UBE3B: variants seen among roughly 807,000 people sequenced by gnomAD.
UBE3B encodes the protein ubiquitin-protein ligase E3B.
In UBE3B, 80 loss-of-function variants were observed where a neutral mutation model predicts 132.3. The observed-to-expected ratio is 0.60, with a 90% CI of 0.50 to 0.73. The LOEUF (loss-of-function observed/expected upper bound fraction) is 0.73. UBE3B is among the 30% of genes least tolerant of loss of function. The pLI is 0.00. For missense variants in UBE3B, 1,196 were observed against 1,362.5 expected (o/e 0.88, Z 1.92); for synonymous variants, 487 against 520.4 (o/e 0.94, Z 0.87).
chr12:109,537,560 C>T (rs1056868929), downstream of UBE3B, among the ~76,000 whole-genome samples: 1 of 152,340 alleles, frequency 6.6e-6, no homozygotes, highest in African/African-American at 2.4e-5. Flanking sequence ...AGAATTCATG[C>T]ACGCAGGCGT....
At chr12:109,478,421 C>A (rs983059035) in intron 1 of UBE3B, among the ~76,000 whole-genome samples, 7 of 152,172 alleles carry the variant, frequency 4.6e-5, no homozygotes, top group African/African-American at 1.7e-4. Context: ...CTGTAGCTTT[C>A]AATAAATAGT....
chr12:109,536,017 C>T lies in UBE3B; in HGVS notation c.*1235C>T, dbSNP rs1883401460. The T allele has an allele frequency of 6.6e-6, 1 of 152,280 alleles. No individual in the cohort carries two copies. The highest frequency in any genetic ancestry group is 6.5e-5 in the Admixed American group (1 of 15,280). 9.4% of individuals were successfully genotyped at this position (152,280 alleles called of 1,614,324 possible). ...ATGCCGGATTCGAAGCCAGGAAGGC[C>T]CAGTCCCTCCTCTGCTCTCCTCAAA... On this transcript the variant is annotated 3_prime_UTR_variant, in exon 28 of 28. Transcript: ENST00000342494.
chr12:109,490,047 C>T (rs1218988230), intron 8 of UBE3B, 43 bp downstream of exon 8: 4 of 1,568,372 alleles, frequency 2.6e-6, no homozygotes, highest in Admixed American at 3.3e-5. Flanking sequence ...CTCCACTCTC[C>T]AACACCTGCA....
chr12:109,521,239 C>T lies in UBE3B; in HGVS notation c.2168C>T (p.Ala723Val). ...GTCAATGACCTCGGGGTGGACGAAG[C>T]AGGGATTGATCAAGACGGTGTTTTT... ...KFVNDLGVDEAGIDQDGVFKE... is the reference protein window; with the variant it reads ...KFVNDLGVDEVGIDQDGVFKE... The change falls in exon 20 of 28, where the codon GCA becomes GTA. Residue 723 changes from alanine to valine, a missense_variant. Physicochemically the swap from Ala to Val is moderately conservative, Grantham distance 64. Coordinates refer to ENST00000342494, the MANE Select transcript of UBE3B (RefSeq NM_130466.4). This position sits in a 1 kb window ranked among gnomAD's most constrained non-coding sequence, Gnocchi z 4.2. 6.2e-7 allele frequency: 1 copy of T among 1,614,154 alleles called. No homozygotes were observed. Among genetic ancestry groups the T allele is most frequent in the Non-Finnish European group, 8.5e-7 (1 of 1,180,034 alleles).
chr12:109,528,152 T>C (rs1295423518), intron 24 of UBE3B, among the ~76,000 whole-genome samples: 1 of 152,222 alleles, frequency 6.6e-6, no homozygotes, highest in Non-Finnish European at 1.5e-5. Context: ...GTAAGGATAC[T>C]CAGTTCTGCA....
chr12:109,486,598 A>AC, intron 6 of UBE3B, 23 bp downstream of exon 6: 1 of 1,509,278 alleles, frequency 6.6e-7, no homozygotes, highest in Non-Finnish European at 9.0e-7. Flanking sequence ...AAAAAAAAAA[A>AC]AAAAAGCAAA....
At chr12:109,507,407 G>A (rs1216019243) in intron 14 of UBE3B, among the ~76,000 whole-genome samples, 157 bp from the exon 15 acceptor site, 2 of 152,202 alleles carry the variant, frequency 1.3e-5, no homozygotes, top group African/African-American at 2.4e-5. Context: ...TGTTACTCTC[G>A]TGGTGATAAT....
At chr12:109,495,009 CT>C (rs891780093) in intron 9 of UBE3B, among the ~76,000 whole-genome samples, 1 of 152,194 alleles carries the variant, frequency 6.6e-6, no homozygotes, top group African/African-American at 2.4e-5. Context: ...CTGTGATTTG[CT>C]TTTCTTCTAT....
intron 27 of UBE3B, 116 bp downstream of exon 27, chr12:109,533,674 C>A: frequency 9.3e-7 from 1 of 1,076,796 alleles, no homozygotes; most frequent in African/African-American, 1.5e-5. Context: ...GGCAGCTGGA[C>A]CCCTCAGAGC....
intron 2 of UBE3B, 99 bp from the exon 3 acceptor site, chr12:109,483,432 G>C: frequency 3.9e-6 from 5 of 1,294,512 alleles, no homozygotes; most frequent in Non-Finnish European, 5.1e-6. Context: ...GAGTATCTCT[G>C]CTGCCCAGGT....
intron 23 of UBE3B, 133 bp downstream of exon 23, chr12:109,524,636 G>A (rs1193544981): frequency 1.8e-5 from 17 of 944,818 alleles, no homozygotes; most frequent in Non-Finnish European, 2.4e-5. Flanking sequence ...CCCACCCCTC[G>A]CCCATCCTCC....
the UBE3B span, among the ~76,000 whole-genome samples, chr12:109,543,653 C>T: frequency 3.3e-5 from 5 of 152,128 alleles, no homozygotes; most frequent in East Asian, 9.7e-4. Context: ...GCCAACATGG[C>T]GAAACCTCGT....
intron 11 of UBE3B, 114 bp downstream of exon 11, chr12:109,498,467 T>C: frequency 7.9e-7 from 1 of 1,264,586 alleles, no homozygotes; most frequent in Non-Finnish European, 1.1e-6. Flanking sequence ...TGGAAGTGCT[T>C]ACAATAAAAA....
intron 15 of UBE3B, chr12:109,508,535 G>A (rs1879966139): frequency 1.0e-5 from 10 of 985,474 alleles, no homozygotes; most frequent in Non-Finnish European, 1.2e-5. Context: ...CAAAAGGTTG[G>A]TGAAGAATTA....
In UBE3B at chr12:109,499,800, G is replaced by A. The variant is rs747886893; in HGVS notation, c.1108G>A (p.Val370Met). 1.2e-6 allele frequency: 2 copies of A among 1,606,106 alleles called. No individual in the cohort carries two copies. Among genetic ancestry groups the A allele is most frequent in the Non-Finnish European group, 1.7e-6 (2 of 1,175,818 alleles). The part of the protein sequence containing the change: ...HPVLGWFSQS[V>M]DYGLNESMHL... ...TGTCCTTGGCTGGTTCTCCCAATCT[G>A]TGGATTATGGGTGAGTCCCAGATGC... Residue 370 changes from valine (V) to methionine (M), a missense_variant, in exon 12 of 28, where the codon GTG becomes ATG. By Grantham distance (21) the Val-to-Met change is conservative. Coordinates refer to ENST00000342494, the MANE Select transcript of UBE3B (RefSeq NM_130466.4).
At chr12:109,529,546 A>T (rs1174841544) in intron 24 of UBE3B, among the ~76,000 whole-genome samples, 2 of 152,230 alleles carry the variant, frequency 1.3e-5, no homozygotes, top group African/African-American at 4.8e-5. Context: ...AAAGTCCAAA[A>T]AGCACCCTTT....
chr12:109,544,715 A>C, the UBE3B span, among the ~76,000 whole-genome samples: 1 of 152,122 alleles, frequency 6.6e-6, no homozygotes, highest in Non-Finnish European at 1.5e-5. Flanking sequence ...AGCTACTGGT[A>C]ATTACTCAGC....
intron 21 of UBE3B, among the ~76,000 whole-genome samples, 154 bp from the exon 22 acceptor site, chr12:109,523,824 G>A (rs954023331): frequency 6.6e-6 from 1 of 152,216 alleles, no homozygotes; most frequent in African/African-American, 2.4e-5. Context: ...TTTGGTAGAG[G>A]ATGGGGAGAT....
intron 17 of UBE3B, 63 bp downstream of exon 17, chr12:109,510,521 A>G: frequency 3.0e-6 from 4 of 1,347,970 alleles, no homozygotes; most frequent in Non-Finnish European, 3.1e-6. Context: ...CTGCCCGAGC[A>G]CTCAGCTCTC....
Sources: allele counts gnomAD v4.1 joint callset (sites outside exome capture counted in the v4.1 genomes callset), GRCh38; gene constraint gnomAD v4.1.1; non-coding constraint Gnocchi (gnomAD v3.1); transcripts MANE v1.5; gene names NCBI Gene and HGNC (gene_info 2026-07-23, HGNC 2026-07-21).